Variants in CCDC14 observed in about 807,000 individuals in gnomAD.
The protein encoded by CCDC14 is coiled-coil domain-containing protein 14.
CCDC14 carries 71 observed loss-of-function variants against 81.4 expected under a neutral mutation model. The ratio of observed to expected loss-of-function variants is 0.87; its 90% CI spans 0.72 to 1.06. The LOEUF is 1.06. Ranked by LOEUF, CCDC14 falls within the 50% of genes least tolerant of loss-of-function variation. The pLI is 0.00. For synonymous variants in CCDC14, 332 were observed against 364.8 expected, an observed-to-expected ratio of 0.91 and a Z score of 1.03; for missense variants, 1,046 against 1,047.3, an observed-to-expected ratio of 1.00 and a Z score of 0.02.
At chr3:123,936,821 C>T (rs1249653611) in intron 9 of CCDC14, among the ~76,000 whole-genome samples, 1 of 152,064 alleles carries the variant, frequency 6.6e-6, no homozygotes, top group Non-Finnish European at 1.5e-5. Context: ...AACAAACCTT[C>T]ACGTGTACCC....
chr3:123,895,023 T>C (rs961208226), downstream of CCDC14, among the ~76,000 whole-genome samples: 3 of 152,200 alleles, frequency 2.0e-5, no homozygotes, highest in African/African-American at 2.4e-5. Flanking sequence ...TAATGTCTGG[T>C]GTGTCAAGAC....
chr3:123,911,760 A>C (rs1344234405), downstream of CCDC14, among the ~76,000 whole-genome samples: 1 of 152,114 alleles, frequency 6.6e-6, no homozygotes, highest in Non-Finnish European at 1.5e-5. Flanking sequence ...AGCTGAGGGA[A>C]TGTGAGCACT....
chr3:123,948,614 G>T, intron 7 of CCDC14, 77 bp downstream of exon 7: 1 of 1,058,172 alleles, frequency 9.5e-7, no homozygotes, highest in African/African-American at 1.6e-5. Flanking sequence ...TAAGTTATAA[G>T]CAATAAATTC....
At chr3:123,937,163 T>C (rs1203929345) in intron 9 of CCDC14, among the ~76,000 whole-genome samples, 23 of 152,124 alleles carry the variant, frequency 1.5e-4, no homozygotes, top group Non-Finnish European at 4.4e-5. Context: ...ATCAACAAGT[T>C]TCTGTGTGGA....
At chr3:123,956,554 A>T in intron 2 of CCDC14, 127 bp from the exon 3 acceptor site, 1 of 770,804 alleles carries the variant, frequency 1.3e-6, no homozygotes, top group Non-Finnish European at 2.1e-6. Context: ...TTATAAACAC[A>T]TTCTGAAGAT....
At chr3:123,937,503 A>G (rs1559787376) in intron 9 of CCDC14, among the ~76,000 whole-genome samples, 1 of 151,764 alleles carries the variant, frequency 6.6e-6, no homozygotes, top group Non-Finnish European at 1.5e-5. Flanking sequence ...TATTTTGCCC[A>G]TTTTTCAACT....
intron 9 of CCDC14, among the ~76,000 whole-genome samples, chr3:123,942,007 C>T (rs1468186116): frequency 6.6e-6 from 1 of 151,930 alleles, no homozygotes; most frequent in African/African-American, 2.4e-5. Flanking sequence ...TGCTTGTTTA[C>T]TTTGAATGGC....
At chr3:123,922,617 G>C (rs1559770703) in intron 12 of CCDC14, among the ~76,000 whole-genome samples, 2 of 152,034 alleles carry the variant, frequency 1.3e-5, no homozygotes, top group Non-Finnish European at 1.5e-5. Flanking sequence ...AGAAGAAATG[G>C]ATAAATTCCT....
intron 5 of CCDC14, among the ~76,000 whole-genome samples, chr3:123,904,825 CAAG>C (rs2034269707): frequency 6.6e-6 from 1 of 152,124 alleles, no homozygotes; most frequent in Non-Finnish European, 1.5e-5. Flanking sequence ...AATAAAATCT[CAAG>C]AGAATTTGTC....
At chr3:123,954,613 G>A (rs1186147996) in intron 5 of CCDC14, 1 of 151,896 alleles carries the variant, frequency 6.6e-6, no homozygotes, top group Non-Finnish European at 1.5e-5. Context: ...CTGAAATTTT[G>A]TATTAAATCT....
chr3:123,948,802 G>GA lies in CCDC14; in HGVS notation c.590-18dup, dbSNP rs757857344. 54 of 1,584,130 alleles carry GA rather than the reference G, an allele frequency of 3.4e-5. No homozygotes were observed. The East Asian group carries it at 7.4e-4, about 22-fold the overall frequency. ...CCTGAGATTCTGTAAGTAAGAGGGAGAAAAAATTAATCACATATCCTACTT... is the reference window on the plus strand; with the variant it reads ...CCTGAGATTCTGTAAGTAAGAGGGAGAAAAAAATTAATCACATATCCTACTT... On this transcript the variant is annotated splice_polypyrimidine_tract_variant and intron_variant, in intron 6 of 12. Coordinates refer to ENST00000409697, the MANE Select transcript of CCDC14 (RefSeq NM_001366335.1).
chr3:123,892,780 A>T (rs947968058), downstream of CCDC14, among the ~76,000 whole-genome samples: 2 of 152,072 alleles, frequency 1.3e-5, no homozygotes, highest in African/African-American at 4.8e-5. Flanking sequence ...TTGTAGCAAA[A>T]TATACATAAC....
chr3:123,924,538 G>C (rs968532074), intron 12 of CCDC14, among the ~76,000 whole-genome samples: 7 of 152,024 alleles, frequency 4.6e-5, no homozygotes, highest in African/African-American at 1.7e-4. Flanking sequence ...CAAACCGTAC[G>C]TGATAAGGGG....
downstream of CCDC14, among the ~76,000 whole-genome samples, chr3:123,894,203 C>T (rs2034028878): frequency 6.6e-6 from 1 of 152,094 alleles, no homozygotes; most frequent in Non-Finnish European, 1.5e-5. Flanking sequence ...AGTTTTCCAC[C>T]ACCATTTGTT....
intron 9 of CCDC14, among the ~76,000 whole-genome samples, chr3:123,936,153 C>T (rs1158402143): frequency 6.6e-6 from 1 of 152,104 alleles, no homozygotes; most frequent in Non-Finnish European, 1.5e-5. Context: ...CCTAACTGTA[C>T]AAGTAGCTAC....
At chr3:123,898,008 G>T (rs568104362) in intron 5 of CCDC14, among the ~76,000 whole-genome samples, 15 of 152,294 alleles carry the variant, frequency 9.8e-5, no homozygotes, top group African/African-American at 3.6e-4. Flanking sequence ...ATAGCCAAAT[G>T]ATATCATCTA....
chr3:123,897,490 G>T (rs1485264693), downstream of CCDC14: 6 of 390,222 alleles, frequency 1.5e-5, no homozygotes, highest in Admixed American at 1.1e-4. Flanking sequence ...GGGTGCTGGG[G>T]CCAGGACTCA....
chr3:123,954,640 A>T (rs1027772816), intron 5 of CCDC14: 1 of 152,150 alleles, frequency 6.6e-6, no homozygotes, highest in African/African-American at 2.4e-5. Context: ...TCTAGCATAT[A>T]TTTTACACAA....
chr3:123,945,211 G>C (rs1240357004), intron 8 of CCDC14, among the ~76,000 whole-genome samples: 2 of 151,398 alleles, frequency 1.3e-5, no homozygotes, highest in Non-Finnish European at 2.9e-5. Context: ...GTAAACTAAA[G>C]ATTAATCTTA....
Sources: gnomAD v4.1 joint callset for allele counts (sites outside exome capture counted in the v4.1 genomes callset) on GRCh38, gnomAD v4.1.1 for gene constraint, MANE v1.5 for transcripts, NCBI Gene and HGNC (gene_info 2026-07-23, HGNC 2026-07-21) for gene names.